CDH1: variants seen among roughly 807,000 people sequenced by gnomAD.
The protein encoded by CDH1 is cadherin-1.
CDH1 carries 35 observed loss-of-function variants against 84.5 expected under a neutral mutation model. The ratio of observed to expected loss-of-function variants is 0.41; its 90% CI spans 0.32 to 0.55. The LOEUF is 0.55. CDH1 is among the 20% of genes least tolerant of loss of function. The pLI is 0.19. For missense variants in CDH1, 994 were observed against 1,126.6 expected (o/e 0.88, Z 1.68); for synonymous variants, 417 against 439.0 (o/e 0.95, Z 0.63).
Position 68,819,317 on chromosome 16 carries a change from A to G in CDH1, c.1603A>G (p.Ile535Val), listed in dbSNP as rs144519845. The part of the protein sequence containing the change: ...IWRDTANWLE[I>V]NPDTGAISTR... ...GAGAGACACTGCCAACTGGCTGGAG[A>G]TTAATCCGGACACTGGTGCCATTTC... The change falls in exon 11 of 16, where the codon ATT becomes GTT. Residue 535 changes from isoleucine to valine, a missense_variant. Transcript: ENST00000261769. 1.2e-6 allele frequency: 2 copies of G among 1,614,152 alleles called. No individual in the cohort carries two copies. Among genetic ancestry groups the G allele is most frequent in the Non-Finnish European group, 1.7e-6 (2 of 1,180,018 alleles).
intron 2 of CDH1, among the ~76,000 whole-genome samples, chr16:68,745,566 A>ATATATATATATATG (rs1383984119): frequency 3.7e-4 from 7 of 18,806 alleles, no homozygotes; most frequent in Non-Finnish European, 9.1e-4. Flanking sequence ...ATATATATGT[A>ATATATATATATATG]TATATATATG....
In CDH1 at chr16:68,737,352, G is replaced by T. The variant is rs983579413; in HGVS notation, c.-64G>T. ...CGGAAGTCAGTTCAGACTCCAGCCC[G>T]CTCCAGCCCGGCCCGACCCGACCGC... On this transcript the variant is annotated 5_prime_UTR_variant, in exon 1 of 16. Transcript: ENST00000261769. The T allele has an allele frequency of 8.4e-5, 118 of 1,398,552 alleles. No homozygotes were observed. Among genetic ancestry groups the T allele is most frequent in the Non-Finnish European group, 1.1e-4 (115 of 1,032,476 alleles). The allele number at this position is 1,398,552 out of a possible 1,614,324, so 86.6% of individuals were successfully genotyped here.
intron 2 of CDH1, among the ~76,000 whole-genome samples, chr16:68,795,548 G>A (rs1036482391): frequency 6.6e-6 from 1 of 151,924 alleles, no homozygotes; most frequent in Non-Finnish European, 1.5e-5. Context: ...ACACTGGAGC[G>A]CAATGGTGCA....
At chr16:68,743,798 A>G (rs1051762777) in intron 2 of CDH1, among the ~76,000 whole-genome samples, 1 of 152,222 alleles carries the variant, frequency 6.6e-6, no homozygotes, top group Non-Finnish European at 1.5e-5. Flanking sequence ...CTAGGTTTGA[A>G]TTTTAGCCAC....
intron 2 of CDH1, among the ~76,000 whole-genome samples, chr16:68,786,535 T>C (rs1302211929): frequency 2.5e-3 from 35 of 14,142 alleles, no homozygotes; most frequent in East Asian, 0.012. Flanking sequence ...TTTTTTTTTC[T>C]TTTTTTTTTT....
intron 10 of CDH1, 52 bp downstream of exon 10, chr16:68,815,811 A>G (rs777998839): frequency 6.3e-7 from 1 of 1,593,618 alleles, no homozygotes. Flanking sequence ...ATTTTATATC[A>G]TTTTATATGT....
At chr16:68,812,473 T>G (rs1960866543) in intron 8 of CDH1, among the ~76,000 whole-genome samples, 1 of 152,252 alleles carries the variant, frequency 6.6e-6, no homozygotes, top group South Asian at 2.1e-4. Flanking sequence ...GGTGCAAGAT[T>G]GTGAAGTTGC....
intron 2 of CDH1, among the ~76,000 whole-genome samples, chr16:68,751,686 A>G (rs1197593927): frequency 6.6e-6 from 1 of 151,528 alleles, no homozygotes; most frequent in Non-Finnish European, 1.5e-5. Context: ...TATTTTTAGT[A>G]GAGACAGGGT....
chr16:68,808,150 G>A (rs559256469), intron 3 of CDH1, among the ~76,000 whole-genome samples: 1 of 152,278 alleles, frequency 6.6e-6, no homozygotes, highest in East Asian at 1.9e-4. Context: ...CAATACTTGT[G>A]TATGCATGAT....
chr16:68,757,887 G>T (rs1008953184), intron 2 of CDH1, among the ~76,000 whole-genome samples: 1 of 151,178 alleles, frequency 6.6e-6, no homozygotes, highest in African/African-American at 2.4e-5. Flanking sequence ...CTGCCTCCTG[G>T]GCTCAAGTCA....
At chr16:68,808,138 A>G (rs978013094) in intron 3 of CDH1, among the ~76,000 whole-genome samples, 1 of 152,194 alleles carries the variant, frequency 6.6e-6, no homozygotes, top group Non-Finnish European at 1.5e-5. Flanking sequence ...AAACCCTGAA[A>G]CCAATACTTG....
chr16:68,750,009 C>T (rs1597848551), intron 2 of CDH1, among the ~76,000 whole-genome samples: 1 of 151,966 alleles, frequency 6.6e-6, no homozygotes, highest in East Asian at 1.9e-4. Context: ...TGCTCTGCTG[C>T]CCAGGCTGGA....
intron 2 of CDH1, among the ~76,000 whole-genome samples, chr16:68,775,310 C>T (rs1057346519): frequency 1.3e-5 from 2 of 152,112 alleles, no homozygotes; most frequent in Non-Finnish European, 2.9e-5. Context: ...ACCACAATGC[C>T]ATTATCACAA....
At position 68,770,528 on chromosome 16, in the gene CDH1, G is replaced by A. The variant is rs150410058; in HGVS notation, c.164-31142G>A. On this transcript the variant is annotated intron_variant, in intron 2 of 15. Coordinates refer to ENST00000261769, the MANE Select transcript of CDH1 (RefSeq NM_004360.5). ...CCAGGCACCAGCCTCGCACCTTCAG[G>A]GAACGTGGCAATAAATAAGGATTTC... 6.2e-4 allele frequency among the ~76,000 whole-genome samples: 94 copies of A among 152,020 alleles called. No individual in the cohort carries two copies. The East Asian group carries it at 0.017, about 27-fold the overall frequency.
intron 2 of CDH1, among the ~76,000 whole-genome samples, chr16:68,768,291 T>C (rs1011924653): frequency 6.6e-6 from 1 of 152,214 alleles, no homozygotes; most frequent in Admixed American, 6.5e-5. Flanking sequence ...GAAGGTTGGA[T>C]AGTGATGTGT....
At position 68,777,938 on chromosome 16, in the gene CDH1, G is replaced by T. The variant is rs552187422; in HGVS notation, c.164-23732G>T. On this transcript the variant is annotated intron_variant, in intron 2 of 15. Transcript: ENST00000261769. The stretch of plus-strand genomic sequence containing the variant: ...GTAGAGATGGGGTTTTGCCATGTTG[G>T]CCAGACTGGTCTCAAACTCCTGACC... Among the ~76,000 whole-genome samples, 175 of 152,212 alleles carry T rather than the reference G, an allele frequency of 1.1e-3. 1 individual carries two copies. The highest frequency in any genetic ancestry group is 3.9e-3 in the African/African-American group (162 of 41,542).
chr16:68,810,075 T>C (rs1960774713), intron 5 of CDH1, 122 bp from the exon 6 acceptor site: 1 of 966,352 alleles, frequency 1.0e-6, no homozygotes, highest in Non-Finnish European at 1.7e-6. Flanking sequence ...AGTCACCCAC[T>C]GGGGGTCTCA....
At chr16:68,828,076 C>T (rs903892073) in intron 13 of CDH1, 98 bp from the exon 14 acceptor site, 154 of 1,387,612 alleles carry the variant, frequency 1.1e-4, no homozygotes, top group Non-Finnish European at 1.5e-4. Flanking sequence ...GTCTAACTGC[C>T]CCCTGTCTGG....
At chr16:68,791,078 A>T (rs1960193554) in intron 2 of CDH1, among the ~76,000 whole-genome samples, 1 of 152,164 alleles carries the variant, frequency 6.6e-6, no homozygotes, top group South Asian at 2.1e-4. Flanking sequence ...TTCCACTTGA[A>T]TGTTGGCCCC....
Sources: allele counts gnomAD v4.1 joint callset (sites outside exome capture counted in the v4.1 genomes callset), GRCh38; gene constraint gnomAD v4.1.1; transcripts MANE v1.5; gene names NCBI Gene and HGNC (gene_info 2026-07-23, HGNC 2026-07-21).